ZDBF2: variants seen among roughly 807,000 people sequenced by gnomAD.
ZDBF2 encodes zinc finger DBF-type containing 2.
ZDBF2 carries 6 observed loss-of-function variants against 9.4 expected under a neutral mutation model. The observed-to-expected ratio is 0.64, with a 90% CI of 0.35 to 1.27. The LOEUF (loss-of-function observed/expected upper bound fraction) is 1.27. Among genes scored for constraint, ZDBF2 ranks in the 50% most tolerant of loss-of-function variants. ZDBF2 has a pLI of 0.03. For synonymous variants in ZDBF2, 905 were observed against 946.3 expected, an observed-to-expected ratio of 0.96 and a Z score of 0.80; for missense variants, 2,697 against 2,766.8, an observed-to-expected ratio of 0.97 and a Z score of 0.57.
At chr2:206,290,925 T>C (rs1422158796) in intron 3 of ZDBF2, among the ~76,000 whole-genome samples, 1 of 152,318 alleles carries the variant, frequency 6.6e-6, no homozygotes, top group East Asian at 1.9e-4. Flanking sequence ...TTTTTGGATC[T>C]TGGGAGAAAA....
chr2:206,306,799 T>C lies in ZDBF2; in HGVS notation c.2271T>C (p.Pro757=), dbSNP rs1192228839. The change falls in exon 5 of 5, where the codon CCT becomes CCC. Residue 757 remains proline, a synonymous_variant. Transcript: ENST00000374423. ...AGTTGACTTTTGATTCTGACCCGCC[T>C]CTTCTGTCAGTTACTGAGCAGTCTC... The part of the protein sequence containing the change: ...SSELTFDSDP[P]LLSVTEQSHL... 2 of 1,613,766 alleles carry C rather than the reference T, an allele frequency of 1.2e-6. No individual in the cohort carries two copies. Among genetic ancestry groups the C allele is most frequent in the Non-Finnish European group, 1.7e-6 (2 of 1,179,822 alleles).
chr2:206,296,022 C>G (rs1194478797), intron 3 of ZDBF2, among the ~76,000 whole-genome samples: 1 of 152,062 alleles, frequency 6.6e-6, no homozygotes, highest in African/African-American at 2.4e-5. Flanking sequence ...ACCCTGTTCT[C>G]TCTCTTAACA....
Position 206,309,843 on chromosome 2 carries a change from C to A in ZDBF2, c.5315C>A (p.Pro1772His). The A allele has an allele frequency of 6.2e-7, 1 of 1,613,866 alleles. No individual in the cohort carries two copies. Among genetic ancestry groups the A allele is most frequent in the African/African-American group, 1.3e-5 (1 of 75,012 alleles). The change falls in exon 5 of 5, where the codon CCT becomes CAT. Residue 1772 changes from proline to histidine, a missense_variant. Coordinates refer to ENST00000374423, the MANE Select transcript of ZDBF2 (RefSeq NM_020923.3). ...QPQETVKKRHPCKKVSSDLKE... is the reference protein window; with the variant it reads ...QPQETVKKRHHCKKVSSDLKE... ...CAAGAAACTGTTAAGAAAAGACACCCTTGTAAGAAGGTATCTTCTGACTTG... is the reference window on the plus strand; with the variant it reads ...CAAGAAACTGTTAAGAAAAGACACCATTGTAAGAAGGTATCTTCTGACTTG...
At chr2:206,286,512 G>T (rs1381303656) in intron 3 of ZDBF2, among the ~76,000 whole-genome samples, 1 of 151,348 alleles carries the variant, frequency 6.6e-6, no homozygotes, top group Non-Finnish European at 1.5e-5. Context: ...TTGGTTTCCA[G>T]TGCATGGAAT....
chr2:206,292,610 A>G (rs2105920751), intron 3 of ZDBF2, among the ~76,000 whole-genome samples: 1 of 152,288 alleles, frequency 6.6e-6, no homozygotes, highest in Non-Finnish European at 1.5e-5. Context: ...TATACACAAC[A>G]TGATGGTGGA....
intron 1 of ZDBF2, among the ~76,000 whole-genome samples, chr2:206,278,771 A>G (rs947890630): frequency 6.6e-6 from 1 of 152,224 alleles, no homozygotes; most frequent in Non-Finnish European, 1.5e-5. Flanking sequence ...TCGCCGCTCT[A>G]GCTAAAACTG....
intron 1 of ZDBF2, among the ~76,000 whole-genome samples, chr2:206,278,391 T>A (rs1691140020): frequency 6.6e-6 from 1 of 152,200 alleles, no homozygotes; most frequent in South Asian, 2.1e-4. Context: ...AATAGTTATA[T>A]CCCTTACGCT....
rs1289105126 is a variant in ZDBF2, at chr2:206,313,071, G to A, written c.*1478G>A. The A allele has an allele frequency of 6.6e-6, 1 of 152,156 alleles. No homozygotes were observed. Among genetic ancestry groups the A allele is most frequent in the Non-Finnish European group, 1.5e-5 (1 of 68,030 alleles). 9.4% of individuals were successfully genotyped at this position (152,156 alleles called of 1,614,324 possible). Reference sequence around the variant, plus strand: ...AGATCCTGGATCTTCTATCATTAATGTTAAGAGGAAACATGAATTACAACT... The same window carrying A: ...AGATCCTGGATCTTCTATCATTAATATTAAGAGGAAACATGAATTACAACT... On this transcript the variant is annotated 3_prime_UTR_variant, in exon 5 of 5. Coordinates refer to ENST00000374423, the MANE Select transcript of ZDBF2 (RefSeq NM_020923.3).
In ZDBF2 at chr2:206,307,898, G is replaced by A. The variant is rs376385887; in HGVS notation, c.3370G>A (p.Val1124Ile). 3 of 1,613,544 alleles carry A rather than the reference G, an allele frequency of 1.9e-6. No individual in the cohort carries two copies. Among genetic ancestry groups the A allele is most frequent in the South Asian group, 1.1e-5 (1 of 91,048 alleles). ...ATTAATACATCATCCTGATGTTTCT[G>A]TCCAATCTGTGGCTGATCAACCCAA... ...YKLIHHPDVS[V>I]QSVADQPKVA... Residue 1124 changes from valine to isoleucine, a missense_variant, in exon 5 of 5, where the codon GTC (valine) becomes ATC (isoleucine). By Grantham distance (29) the Val-to-Ile change is conservative. Transcript: ENST00000374423.
chr2:206,286,467 T>C (rs1691604405), intron 3 of ZDBF2, among the ~76,000 whole-genome samples: 1 of 152,220 alleles, frequency 6.6e-6, no homozygotes, highest in Non-Finnish European at 1.5e-5. Context: ...AAAGTCTGTT[T>C]TATCTATCAT....
At position 206,305,640 on chromosome 2, in the gene ZDBF2, T is replaced by C; in HGVS notation, c.1112T>C (p.Leu371Pro). The C allele has an allele frequency of 6.2e-7, 1 of 1,613,754 alleles. No homozygotes were observed. Among genetic ancestry groups the C allele is most frequent in the Non-Finnish European group, 8.5e-7 (1 of 1,179,788 alleles). The change falls in exon 5 of 5, where the codon CTT becomes CCT. Residue 371 changes from leucine (L) to proline (P), a missense_variant. Transcript: ENST00000374423. ...SSEMKFDCISLQSASDQPQET... is the reference protein window; with the variant it reads ...SSEMKFDCISPQSASDQPQET... ...GAAATGAAGTTTGATTGTATCTCTCTTCAGTCAGCATCTGATCAGCCCCAA... is the reference window on the plus strand; with the variant it reads ...GAAATGAAGTTTGATTGTATCTCTCCTCAGTCAGCATCTGATCAGCCCCAA...
At chr2:206,293,065 A>G (rs1691981765) in intron 3 of ZDBF2, among the ~76,000 whole-genome samples, 1 of 152,166 alleles carries the variant, frequency 6.6e-6, no homozygotes, top group Admixed American at 6.6e-5. Context: ...ACTAAAACTT[A>G]TGAAACTTTA....
intron 3 of ZDBF2, among the ~76,000 whole-genome samples, chr2:206,282,956 A>C (rs1691400365): frequency 1.3e-5 from 2 of 152,202 alleles, no homozygotes; most frequent in Admixed American, 1.3e-4. Context: ...GTGTAAATGG[A>C]ATCAAACGTT....
At chr2:206,294,251 C>G (rs1692049451) in intron 3 of ZDBF2, among the ~76,000 whole-genome samples, 1 of 152,018 alleles carries the variant, frequency 6.6e-6, no homozygotes, top group South Asian at 2.1e-4. Flanking sequence ...TGGGGCATTA[C>G]AGGGATTTCT....
intron 3 of ZDBF2, among the ~76,000 whole-genome samples, chr2:206,291,593 C>T (rs1376994178): frequency 2.0e-5 from 3 of 152,138 alleles, no homozygotes; most frequent in Non-Finnish European, 4.4e-5. Context: ...TCCTAAAAGC[C>T]CTGTCTCCAA....
intron 3 of ZDBF2, among the ~76,000 whole-genome samples, chr2:206,294,194 A>G (rs1201340033): frequency 6.6e-6 from 1 of 152,204 alleles, no homozygotes; most frequent in Non-Finnish European, 1.5e-5. Flanking sequence ...CTATAGTATT[A>G]AAAGTTAGGT....
Position 206,287,685 on chromosome 2 carries a change from A to C in ZDBF2, c.60+5776A>C, listed in dbSNP as rs920691231. On this transcript the variant is annotated intron_variant, in intron 3 of 4. Transcript: ENST00000374423. ...TCTTGTCTTCCCCATCTGGATTCCT[A>C]TAACACAAATATTTGTTCACTCAGT... 5.3e-5 allele frequency among the ~76,000 whole-genome samples: 8 copies of C among 152,208 alleles called. No individual in the cohort carries two copies. The South Asian group carries it at 1.7e-3, about 32-fold the overall frequency.
chr2:206,301,832 TTATC>T (rs1692515102), intron 4 of ZDBF2, among the ~76,000 whole-genome samples: 1 of 152,112 alleles, frequency 6.6e-6, no homozygotes, highest in African/African-American at 2.4e-5. Flanking sequence ...AATTTGGTTG[TTATC>T]TTTTTCGTCT....
Position 206,311,763 on chromosome 2 carries a change from A to G in ZDBF2, c.*170A>G. 1.6e-6 allele frequency: 1 copy of G among 640,552 alleles called. No homozygotes were observed. The highest frequency in any genetic ancestry group is 3.7e-5 in the East Asian group (1 of 27,340). The allele number at this position is 640,552 out of a possible 1,614,324, so 39.7% of individuals were successfully genotyped here. On this transcript the variant is annotated 3_prime_UTR_variant, in exon 5 of 5. Transcript: ENST00000374423. ...ATATTCATTTAAAATTAGTGTTTAGAGTCCTTTCATTTTAAGATTCAGAAA... is the reference window on the plus strand; with the variant it reads ...ATATTCATTTAAAATTAGTGTTTAGGGTCCTTTCATTTTAAGATTCAGAAA...
Sources: allele counts gnomAD v4.1 joint callset (sites outside exome capture counted in the v4.1 genomes callset), GRCh38; gene constraint gnomAD v4.1.1; transcripts MANE v1.5; gene names NCBI Gene and HGNC (gene_info 2026-07-23, HGNC 2026-07-21).